Variants in EXOC6B observed in about 807,000 individuals in gnomAD.
EXOC6B encodes the protein exocyst complex component 6B.
A neutral mutation model predicts 113.5 loss-of-function variants in EXOC6B; 54 were observed. The observed-to-expected ratio is 0.48, with a 90% confidence interval of 0.38 to 0.60. The LOEUF (loss-of-function observed/expected upper bound fraction) is 0.60. Among genes scored for constraint, EXOC6B ranks in the 20% least tolerant of loss-of-function variants. EXOC6B has a pLI of 0.00. For synonymous variants in EXOC6B, 357 were observed against 339.0 expected (o/e 1.05, Z -0.58); for missense variants, 797 against 977.5 (o/e 0.82, Z 2.46).
intron 18 of EXOC6B, among the ~76,000 whole-genome samples, chr2:72,422,572 G>A (rs1257496705): frequency 6.6e-6 from 1 of 151,854 alleles, no homozygotes; most frequent in Non-Finnish European, 1.5e-5. Flanking sequence ...TCTAGCTCAG[G>A]GATTGTAAAT....
intron 20 of EXOC6B, among the ~76,000 whole-genome samples, chr2:72,275,685 T>A (rs1272212727): frequency 6.6e-6 from 1 of 152,192 alleles, no homozygotes; most frequent in Non-Finnish European, 1.5e-5. Context: ...ATATCCTGAT[T>A]TCACCTGTTC....
chr2:72,467,820 G>C lies in EXOC6B; in HGVS notation c.1801-2481C>G, dbSNP rs183237304. ...GAGTCTCACTCTGTCACCTAGGCTG[G>C]AGTGAAGTGGCACACTCTTGGCTCA... On this transcript the variant is annotated intron_variant, in intron 17 of 21. Transcript: ENST00000272427. Among the ~76,000 whole-genome samples, 256 of 151,960 alleles carry C rather than the reference G, an allele frequency of 1.7e-3. 1 individual carries two copies. The highest frequency in any genetic ancestry group is 2.9e-3 in the Admixed American group (44 of 15,238).
intron 6 of EXOC6B, among the ~76,000 whole-genome samples, chr2:72,589,352 C>T (rs62150264): frequency 0.025 from 3,849 of 151,920 alleles, 67 homozygotes; most frequent in Non-Finnish European, 0.039. Context: ...ATAATTAATA[C>T]GCATATTTGA....
intron 5 of EXOC6B, among the ~76,000 whole-genome samples, chr2:72,723,049 A>G (rs1573691304): frequency 6.6e-6 from 1 of 152,234 alleles, no homozygotes; most frequent in East Asian, 1.9e-4. Flanking sequence ...TCAAATGTCT[A>G]GTCTATTTCA....
intron 20 of EXOC6B, among the ~76,000 whole-genome samples, chr2:72,228,674 A>T (rs1681416062): frequency 6.6e-6 from 1 of 152,150 alleles, no homozygotes; most frequent in Non-Finnish European, 1.5e-5. Context: ...ATTGTTGGAC[A>T]TTTGGCTTGG....
chr2:72,243,600 G>A (rs1184674687), intron 20 of EXOC6B, among the ~76,000 whole-genome samples: 1 of 152,126 alleles, frequency 6.6e-6, no homozygotes, highest in Non-Finnish European at 1.5e-5. Context: ...CTGTGGGGTG[G>A]GGGGCACAGG....
intron 7 of EXOC6B, among the ~76,000 whole-genome samples, chr2:72,574,356 TG>T (rs1704698067): frequency 1.3e-5 from 2 of 152,148 alleles, no homozygotes. Context: ...CAGAAACCAA[TG>T]TTTTCTCACC....
intron 8 of EXOC6B, among the ~76,000 whole-genome samples, chr2:72,554,496 G>GT (rs1269677663): frequency 6.6e-6 from 1 of 152,112 alleles, no homozygotes; most frequent in Non-Finnish European, 1.5e-5. Context: ...AGATCTGATG[G>GT]TTTTAAAATG....
chr2:72,672,859 G>A (rs1676001441), intron 6 of EXOC6B, among the ~76,000 whole-genome samples: 1 of 152,026 alleles, frequency 6.6e-6, no homozygotes, highest in Non-Finnish European at 1.5e-5. Context: ...TACACTTAGA[G>A]GAAATAAGAC....
At chr2:72,408,947 A>C (rs1006385288) in intron 18 of EXOC6B, among the ~76,000 whole-genome samples, 69 of 152,332 alleles carry the variant, frequency 4.5e-4, no homozygotes, top group African/African-American at 1.5e-3. Context: ...AAATGGGAGA[A>C]AATTTTCGCA....
At chr2:72,455,392 T>A (rs1306376856) in intron 18 of EXOC6B, among the ~76,000 whole-genome samples, 1 of 152,200 alleles carries the variant, frequency 6.6e-6, no homozygotes, top group Non-Finnish European at 1.5e-5. Flanking sequence ...CGGGAATTGT[T>A]CTGGTCACCA....
chr2:72,766,514 A>G (rs1683067315), intron 1 of EXOC6B, among the ~76,000 whole-genome samples: 1 of 152,240 alleles, frequency 6.6e-6, no homozygotes, highest in Admixed American at 6.5e-5. Context: ...GAAAAAAGGA[A>G]AAGAACAAAA....
chr2:72,407,503 A>T (rs1198892822), intron 18 of EXOC6B, among the ~76,000 whole-genome samples: 1 of 152,186 alleles, frequency 6.6e-6, no homozygotes, highest in Non-Finnish European at 1.5e-5. Context: ...AGCACATCAA[A>T]AACTTATACA....
intron 18 of EXOC6B, among the ~76,000 whole-genome samples, chr2:72,425,262 T>C (rs1412049784): frequency 1.3e-5 from 2 of 152,168 alleles, no homozygotes; most frequent in Non-Finnish European, 2.9e-5. Flanking sequence ...TACATACAAC[T>C]GTCAGGTTTT....
At chr2:72,465,972 T>C (rs911676402) in intron 17 of EXOC6B, among the ~76,000 whole-genome samples, 2 of 152,162 alleles carry the variant, frequency 1.3e-5, no homozygotes, top group South Asian at 2.1e-4. Flanking sequence ...CTATCTTCAG[T>C]ACAGATCTAC....
chr2:72,441,898 T>C (rs1259561952), intron 18 of EXOC6B, among the ~76,000 whole-genome samples: 2 of 152,160 alleles, frequency 1.3e-5, no homozygotes, highest in Admixed American at 1.3e-4. Flanking sequence ...CCTAATGCAA[T>C]CTATGAGGCC....
At chr2:72,506,843 T>C (rs2105627680) in intron 11 of EXOC6B, among the ~76,000 whole-genome samples, 1 of 152,270 alleles carries the variant, frequency 6.6e-6, no homozygotes, top group South Asian at 2.1e-4. Context: ...CTAGGTTGAT[T>C]AGTATAGTTG....
At chr2:72,811,721 G>A (rs1247649907) in intron 1 of EXOC6B, among the ~76,000 whole-genome samples, 1 of 152,138 alleles carries the variant, frequency 6.6e-6, no homozygotes, top group Non-Finnish European at 1.5e-5. Flanking sequence ...TGTATACAAT[G>A]ACCAAGTAGG....
At chr2:72,439,287 G>C (rs942958330) in intron 18 of EXOC6B, among the ~76,000 whole-genome samples, 1 of 152,114 alleles carries the variant, frequency 6.6e-6, no homozygotes, top group African/African-American at 2.4e-5. Flanking sequence ...CCTGTCTATC[G>C]AGGTGGGGAA....
Sources: gnomAD v4.1 joint callset for allele counts (sites outside exome capture counted in the v4.1 genomes callset) on GRCh38, gnomAD v4.1.1 for gene constraint, MANE v1.5 for transcripts, NCBI Gene and HGNC (gene_info 2026-07-23, HGNC 2026-07-21) for gene names.